The following PHYHIPL variants were observed in gnomAD, a reference collection of about 807,000 sequenced individuals.
PHYHIPL encodes phytanoyl-CoA 2-hydroxylase interacting protein like, also known as phytanoyl-CoA hydroxylase-interacting protein-like.
Under a neutral mutation model 33.4 loss-of-function variants are expected in PHYHIPL, and 9 were observed. That is an observed-to-expected ratio of 0.27 (90% CI 0.16 to 0.47). The LOEUF is 0.47. Among genes scored for constraint, PHYHIPL ranks in the 20% least tolerant of loss-of-function variants. The pLI, the probability that PHYHIPL is intolerant of heterozygous loss-of-function variation, is 0.99. For synonymous variants in PHYHIPL, 153 were observed against 154.1 expected (o/e 0.99, Z 0.05); for missense variants, 365 against 460.7 (o/e 0.79, Z 1.90).
upstream of PHYHIPL, among the ~76,000 whole-genome samples, chr10:59,173,620 A>G (rs1826906066): frequency 1.3e-5 from 2 of 152,186 alleles, no homozygotes; most frequent in African/African-American, 4.8e-5. Context: ...GACCTGTCTG[A>G]GCATGCACTT....
chr10:59,215,099 A>T (rs898792583), intron 1 of PHYHIPL, among the ~76,000 whole-genome samples: 41 of 152,048 alleles, frequency 2.7e-4, no homozygotes, highest in African/African-American at 9.9e-4. Context: ...AATTATGTGG[A>T]AAGTTAAATT....
At chr10:59,201,345 G>A (rs916947491) in intron 1 of PHYHIPL, among the ~76,000 whole-genome samples, 5 of 152,050 alleles carry the variant, frequency 3.3e-5, no homozygotes, top group African/African-American at 1.2e-4. Context: ...CAGGTTGTTC[G>A]TTTTCCATGT....
chr10:59,206,935 A>G, intron 1 of PHYHIPL: 3 of 421,248 alleles, frequency 7.1e-6, no homozygotes, highest in Non-Finnish European at 9.9e-6. Flanking sequence ...AATACTTAAC[A>G]TTACAAATAG....
intron 1 of PHYHIPL, among the ~76,000 whole-genome samples, chr10:59,234,050 T>C (rs1005977982): frequency 3.3e-5 from 5 of 151,880 alleles, no homozygotes; most frequent in African/African-American, 9.6e-5. Flanking sequence ...ATTGGTCATG[T>C]AGAAAAATAG....
At chr10:59,209,205 G>C (rs559630798) in intron 1 of PHYHIPL, among the ~76,000 whole-genome samples, 2 of 152,242 alleles carry the variant, frequency 1.3e-5, no homozygotes, top group African/African-American at 2.4e-5. Context: ...ACAAAGGGAA[G>C]CCCATCAGAC....
At chr10:59,175,145 C>T (rs890539272), upstream of PHYHIPL, among the ~76,000 whole-genome samples, 1 of 152,188 alleles carries the variant, frequency 6.6e-6, no homozygotes, top group Non-Finnish European at 1.5e-5. Context: ...ACTTTCTTGT[C>T]ATATCCTTTG....
At chr10:59,203,915 A>AT (rs1302145876) in intron 1 of PHYHIPL, among the ~76,000 whole-genome samples, 1 of 152,098 alleles carries the variant, frequency 6.6e-6, no homozygotes, top group Non-Finnish European at 1.5e-5. Flanking sequence ...TTAACATGTA[A>AT]TTTTTTTAAA....
intron 1 of PHYHIPL, among the ~76,000 whole-genome samples, chr10:59,186,980 G>A (rs1838625946): frequency 6.6e-6 from 1 of 152,150 alleles, no homozygotes; most frequent in Admixed American, 6.5e-5. Flanking sequence ...GATTGCCCTG[G>A]CCAGAACTTC....
chr10:59,216,858 A>G (rs1350398061), intron 1 of PHYHIPL, among the ~76,000 whole-genome samples: 1 of 152,172 alleles, frequency 6.6e-6, no homozygotes, highest in African/African-American at 2.4e-5. Flanking sequence ...ATGCTTATAT[A>G]TGTTGCTAAA....
chr10:59,226,625 C>A (rs1839933069), intron 1 of PHYHIPL, among the ~76,000 whole-genome samples: 1 of 151,920 alleles, frequency 6.6e-6, no homozygotes, highest in Non-Finnish European at 1.5e-5. Flanking sequence ...GGAAGAGGTA[C>A]CTGGGCTAGG....
chr10:59,178,992 C>T (rs193051816), intron 1 of PHYHIPL, among the ~76,000 whole-genome samples: 137 of 152,030 alleles, frequency 9.0e-4, no homozygotes, highest in African/African-American at 3.0e-3. Context: ...ATAGTATACA[C>T]CAACAAATAC....
intron 1 of PHYHIPL, among the ~76,000 whole-genome samples, chr10:59,227,779 C>T (rs946565962): frequency 1.3e-5 from 2 of 152,008 alleles, no homozygotes; most frequent in East Asian, 1.9e-4. Flanking sequence ...GTGAATCATG[C>T]TTTTAAGTCA....
intron 1 of PHYHIPL, among the ~76,000 whole-genome samples, chr10:59,200,553 A>G (rs1165165032): frequency 1.3e-5 from 2 of 152,164 alleles, no homozygotes; most frequent in Non-Finnish European, 2.9e-5. Context: ...CTTTGGTATC[A>G]GGATGGTGCT....
intron 1 of PHYHIPL, among the ~76,000 whole-genome samples, chr10:59,233,252 G>T (rs933863742): frequency 6.6e-6 from 1 of 151,816 alleles, no homozygotes; most frequent in African/African-American, 2.4e-5. Context: ...CAAAAAGTTT[G>T]TATCAATGAC....
At chr10:59,187,416 C>T (rs1322851472) in intron 1 of PHYHIPL, among the ~76,000 whole-genome samples, 4 of 152,116 alleles carry the variant, frequency 2.6e-5, no homozygotes, top group African/African-American at 7.2e-5. Flanking sequence ...GGATATTGGT[C>T]TAAAATTCTC....
chr10:59,199,761 A>C (rs1214460595), intron 1 of PHYHIPL, among the ~76,000 whole-genome samples: 3 of 152,160 alleles, frequency 2.0e-5, no homozygotes, highest in African/African-American at 7.2e-5. Flanking sequence ...CTCCTTGAAG[A>C]GGTCCTTCAC....
At chr10:59,225,014 G>A (rs1271549636) in intron 1 of PHYHIPL, among the ~76,000 whole-genome samples, 1 of 151,220 alleles carries the variant, frequency 6.6e-6, no homozygotes, top group Non-Finnish European at 1.5e-5. Flanking sequence ...AACCAAAAAG[G>A]ATGAAAAGTT....
intron 1 of PHYHIPL, among the ~76,000 whole-genome samples, chr10:59,182,027 A>C (rs1454935554): frequency 6.6e-6 from 1 of 152,178 alleles, no homozygotes; most frequent in Non-Finnish European, 1.5e-5. Context: ...AATTAGGCCC[A>C]ATGTTGCTTT....
chr10:59,201,449 A>C (rs1483128706), intron 1 of PHYHIPL, among the ~76,000 whole-genome samples: 1 of 152,144 alleles, frequency 6.6e-6, no homozygotes, highest in African/African-American at 2.4e-5. Context: ...CTGTTATTTT[A>C]CATTTGCTGA....
Sources: allele counts gnomAD v4.1 joint callset (sites outside exome capture counted in the v4.1 genomes callset), GRCh38; gene constraint gnomAD v4.1.1; transcripts MANE v1.5; gene names NCBI Gene and HGNC (gene_info 2026-07-23, HGNC 2026-07-21).